TFCP2L1: variants seen among roughly 807,000 people sequenced by gnomAD.
TFCP2L1 encodes transcription factor CP2-like protein 1.
TFCP2L1 carries 12 observed loss-of-function variants against 72.2 expected under a neutral mutation model. The observed-to-expected ratio is 0.17, with a 90% confidence interval of 0.11 to 0.27. The LOEUF (loss-of-function observed/expected upper bound fraction) is 0.27, where lower values mean the gene tolerates loss of function less well. Among genes scored for constraint, TFCP2L1 ranks in the 10% least tolerant of loss-of-function variants. The pLI is 1.00. For missense variants in TFCP2L1, 488 were observed against 624.6 expected, an observed-to-expected ratio of 0.78 and a Z score of 2.33; for synonymous variants, 260 against 251.0, an observed-to-expected ratio of 1.04 and a Z score of -0.34.
At position 121,250,346 on chromosome 2, in the gene TFCP2L1, T is replaced by TTTTATA. The variant is rs1553433397; in HGVS notation, c.215-700_215-699insTATAAA. Among the ~76,000 whole-genome samples the TTTTATA allele has an allele frequency of 2.9e-3, 417 of 142,072 alleles. 3 individuals carry two copies. The highest frequency in any genetic ancestry group is 6.8e-3 in the African/African-American group (254 of 37,548). The allele number at this position is 142,072 out of a possible 152,430, so 93.2% of individuals were successfully genotyped here. The stretch of plus-strand genomic sequence containing the variant: ...GATACACCATGTTCCCAGAAGACTG[T>TTTTATA]TATATATATATATATATACACACAC... On this transcript the variant is annotated intron_variant, in intron 2 of 14. Transcript: ENST00000263707.
intron 2 of TFCP2L1, among the ~76,000 whole-genome samples, chr2:121,274,705 T>C (rs1172815828): frequency 6.6e-6 from 1 of 152,146 alleles, no homozygotes; most frequent in Non-Finnish European, 1.5e-5. Flanking sequence ...TCCCAACACT[T>C]TGGGAGGCCA....
chr2:121,225,238 C>G (rs1029683860), intron 14 of TFCP2L1, among the ~76,000 whole-genome samples: 1 of 152,136 alleles, frequency 6.6e-6, no homozygotes, highest in Non-Finnish European at 1.5e-5. Flanking sequence ...TCCCCCATCC[C>G]GACCCACGCT....
chr2:121,224,105 C>A lies in TFCP2L1; in HGVS notation c.*236G>T. Reference sequence around the variant, plus strand: ...TGGACCAATAGAAAAGAACAAGGAACCATTCAAAATCTGGAGGCCAAGAGG... The same window carrying A: ...TGGACCAATAGAAAAGAACAAGGAAACATTCAAAATCTGGAGGCCAAGAGG... On this transcript the variant is annotated 3_prime_UTR_variant, in exon 15 of 15. Transcript: ENST00000263707. 1.7e-6 allele frequency: 1 copy of A among 584,836 alleles called. No homozygotes were observed. Among genetic ancestry groups the A allele is most frequent in the Non-Finnish European group, 3.0e-6 (1 of 328,258 alleles). 36.2% of individuals were successfully genotyped at this position (584,836 alleles called of 1,614,324 possible). A position where few individuals can be genotyped will look rare whatever the true frequency, so the allele number is the denominator to read the frequency against.
intron 12 of TFCP2L1, among the ~76,000 whole-genome samples, chr2:121,232,638 A>G (rs1401556179): frequency 1.3e-5 from 2 of 152,218 alleles, no homozygotes; most frequent in African/African-American, 4.8e-5. Context: ...TGCTGTTTAA[A>G]GGGTTCTTGG....
At position 121,234,178 on chromosome 2, in the gene TFCP2L1, T is replaced by C. The variant is rs1386830539; in HGVS notation, c.1111A>G (p.Met371Val). Residue 371 changes from methionine to valine, a missense_variant, in exon 12 of 15, where the codon ATG becomes GTG. Coordinates refer to ENST00000263707, the MANE Select transcript of TFCP2L1 (RefSeq NM_014553.3). Reference sequence around the variant, plus strand: ...AGCTCCTGACAGACATAAATGGTCATCTTTGGCCTCACATTCCTGGCAGGA... The same window carrying C: ...AGCTCCTGACAGACATAAATGGTCACCTTTGGCCTCACATTCCTGGCAGGA... ...AIKGRNVRPK[M>V]TIYVCQELEQ... 1 of 1,614,218 alleles carries C rather than the reference T, an allele frequency of 6.2e-7. No homozygotes were observed. The highest frequency in any genetic ancestry group is 2.2e-5 in the East Asian group (1 of 44,888).
chr2:121,231,107 GATA>G (rs1039775890), intron 13 of TFCP2L1, among the ~76,000 whole-genome samples: 3 of 152,090 alleles, frequency 2.0e-5, no homozygotes, highest in African/African-American at 7.2e-5. Context: ...TGTGAAATGG[GATA>G]ATAATAACAC....
intron 2 of TFCP2L1, among the ~76,000 whole-genome samples, chr2:121,271,752 G>C (rs1349291074): frequency 1.3e-5 from 2 of 152,162 alleles, no homozygotes; most frequent in African/African-American, 4.8e-5. Context: ...GGGCTCCAAA[G>C]AATCAAGTGA....
chr2:121,268,063 G>A (rs1686969127), intron 2 of TFCP2L1, among the ~76,000 whole-genome samples: 3 of 152,222 alleles, frequency 2.0e-5, no homozygotes, highest in Admixed American at 2.0e-4. Context: ...AGTGAGCTAC[G>A]ATCACAGCAC....
At chr2:121,248,729 C>T (rs187049410) in intron 4 of TFCP2L1, among the ~76,000 whole-genome samples, 168 of 152,284 alleles carry the variant, frequency 1.1e-3, no homozygotes, top group Non-Finnish European at 1.9e-3. Context: ...ACCATCCTTC[C>T]GCAAAGCCTT....
chr2:121,237,554 G>T, intron 10 of TFCP2L1, 69 bp downstream of exon 10: 1 of 1,554,982 alleles, frequency 6.4e-7, no homozygotes, highest in South Asian at 1.1e-5. Flanking sequence ...AGCAAGGCCT[G>T]GAAGGTGGCC....
intron 2 of TFCP2L1, among the ~76,000 whole-genome samples, chr2:121,278,379 A>G (rs993245841): frequency 6.7e-6 from 1 of 149,448 alleles, no homozygotes; most frequent in Non-Finnish European, 1.5e-5. Context: ...TCAACTTTTA[A>G]AACTCTTTTT....
intron 2 of TFCP2L1, among the ~76,000 whole-genome samples, chr2:121,276,345 T>C (rs982396224): frequency 6.6e-6 from 1 of 150,586 alleles, no homozygotes; most frequent in Admixed American, 6.7e-5. Context: ...GTTAGTTTGC[T>C]GAGAATGATG....
intron 2 of TFCP2L1, among the ~76,000 whole-genome samples, chr2:121,250,617 T>C (rs1210552245): frequency 6.6e-6 from 1 of 151,240 alleles, no homozygotes; most frequent in Non-Finnish European, 1.5e-5. Flanking sequence ...TCTTTTTTTT[T>C]TTTTTTTGAG....
At position 121,235,343 on chromosome 2, in the gene TFCP2L1, C is replaced by T; in HGVS notation, c.1004-32G>A. The T allele has an allele frequency of 1.9e-6, 3 of 1,611,306 alleles. No individual in the cohort carries two copies. The South Asian group carries it at 3.3e-5, about 18-fold the overall frequency. On this transcript the variant is annotated intron_variant, in intron 10 of 14. Transcript: ENST00000263707. Reference sequence around the variant, plus strand: ...AGGAAAAAAACGGGGATGCCTGTTACATGGAACCCAGAGAAAGGGCTCGGT... The same window carrying T: ...AGGAAAAAAACGGGGATGCCTGTTATATGGAACCCAGAGAAAGGGCTCGGT...
Position 121,216,634 on chromosome 2 carries a change from C to A in TFCP2L1, c.*7707G>T, listed in dbSNP as rs1396074051. The A allele has an allele frequency of 6.6e-6, 1 of 152,190 alleles. No individual in the cohort carries two copies. Among genetic ancestry groups the A allele is most frequent in the Non-Finnish European group, 1.5e-5 (1 of 68,048 alleles). The allele number at this position is 152,190 out of a possible 1,614,324, so 9.4% of individuals were successfully genotyped here. A position where few individuals can be genotyped will look rare whatever the true frequency, so the allele number is the denominator to read the frequency against. ...TTTGCATTCTAACCCAAGCACAGAT[C>A]CCACATACAGACTTCTCGTCCGCAC... On this transcript the variant is annotated 3_prime_UTR_variant, in exon 15 of 15. Coordinates refer to ENST00000263707, the MANE Select transcript of TFCP2L1 (RefSeq NM_014553.3).
chr2:121,269,907 T>TCAAAAAAA (rs750107740), intron 2 of TFCP2L1, among the ~76,000 whole-genome samples: 4 of 77,592 alleles, frequency 5.2e-5, no homozygotes, highest in South Asian at 4.6e-4. Flanking sequence ...AGACTCCATC[T>TCAAAAAAA]AAAAAAAAAA....
At chr2:121,242,838 G>A (rs1686407068) in intron 6 of TFCP2L1, among the ~76,000 whole-genome samples, 5 of 152,150 alleles carry the variant, frequency 3.3e-5, no homozygotes, top group Admixed American at 3.3e-4. Flanking sequence ...TGCAACCTGA[G>A]AAATCCTGGC....
intron 2 of TFCP2L1, among the ~76,000 whole-genome samples, chr2:121,257,427 C>T (rs768020895): frequency 1.3e-5 from 2 of 152,200 alleles, no homozygotes; most frequent in Non-Finnish European, 2.9e-5. Context: ...GCCACACAAA[C>T]GGGTGTGGAA....
At chr2:121,254,790 G>C (rs114164686) in intron 2 of TFCP2L1, among the ~76,000 whole-genome samples, 1 of 150,686 alleles carries the variant, frequency 6.6e-6, no homozygotes, top group Admixed American at 6.6e-5. Flanking sequence ...GGGAGAGAGC[G>C]AGACTCCGTT....
Sources: gnomAD v4.1 joint callset for allele counts (sites outside exome capture counted in the v4.1 genomes callset) on GRCh38, gnomAD v4.1.1 for gene constraint, MANE v1.5 for transcripts, NCBI Gene and HGNC (gene_info 2026-07-23, HGNC 2026-07-21) for gene names.